The following BANK1 variants were observed in gnomAD, a reference collection of about 807,000 sequenced individuals.
The protein encoded by BANK1 is B cell scaffold protein with ankyrin repeats 1.
BANK1 carries 95 observed loss-of-function variants against 94.5 expected under a neutral mutation model. The observed-to-expected ratio is 1.00, with a 90% CI of 0.85 to 1.19. The LOEUF is 1.19. BANK1 is among the 50% of genes most tolerant of loss of function. The pLI is 0.00. For missense variants in BANK1, 987 were observed against 932.2 expected (o/e 1.06, Z -0.77); for synonymous variants, 334 against 308.4 (o/e 1.08, Z -0.87).
chr4:101,909,877 C>T (rs1225313349), intron 6 of BANK1, among the ~76,000 whole-genome samples: 1 of 152,132 alleles, frequency 6.6e-6, no homozygotes, highest in Non-Finnish European at 1.5e-5. Flanking sequence ...ATAGTCTTTT[C>T]CATTTACTCT....
intron 6 of BANK1, among the ~76,000 whole-genome samples, chr4:101,906,698 C>T (rs1488882731): frequency 6.6e-6 from 1 of 152,202 alleles, no homozygotes; most frequent in African/African-American, 2.4e-5. Context: ...AGACCCCACA[C>T]CTGTACCATT....
Position 101,951,113 on chromosome 4 carries a change from G to C in BANK1, c.1206+32924G>C, listed in dbSNP as rs538372117. Among the ~76,000 whole-genome samples, 419 of 152,228 alleles carry C rather than the reference G, an allele frequency of 2.8e-3. 2 individuals carry two copies. Among genetic ancestry groups the C allele is most frequent in the African/African-American group, 9.8e-3 (407 of 41,562 alleles). ...AGTAAAATATGGATGTTAGTTAACA[G>C]TAATGTATCATTATTGCTTTGCTCA... On this transcript the variant is annotated intron_variant, in intron 7 of 16. Coordinates refer to ENST00000322953, the MANE Select transcript of BANK1 (RefSeq NM_017935.5).
Position 102,029,951 on chromosome 4 carries a change from C to T in BANK1, c.1595-9C>T, listed in dbSNP as rs1727231524. ...AAGAGTAAACACCATGTAAATATTT[C>T]ATAAACAGGGACAATGGTGGAAGGC... On this transcript the variant is annotated splice_polypyrimidine_tract_variant and intron_variant, in intron 9 of 16. Transcript: ENST00000322953. The T allele has an allele frequency of 6.3e-7, 1 of 1,586,594 alleles. No individual in the cohort carries two copies. Among genetic ancestry groups the T allele is most frequent in the South Asian group, 1.2e-5 (1 of 85,008 alleles).
At chr4:101,986,863 A>ATGTGTG (rs1392667047) in intron 7 of BANK1, among the ~76,000 whole-genome samples, 5 of 44,366 alleles carry the variant, frequency 1.1e-4, no homozygotes, top group African/African-American at 4.2e-4. Context: ...ATGTATATAT[A>ATGTGTG]TATGTGTGTA....
At chr4:101,792,205 A>G (rs1725009712) in intron 1 of BANK1, among the ~76,000 whole-genome samples, 1 of 151,976 alleles carries the variant, frequency 6.6e-6, no homozygotes, top group Non-Finnish European at 1.5e-5. Context: ...AGTAATGTGA[A>G]TCAATATTTA....
At chr4:101,986,957 TTA>T (rs1270326491) in intron 7 of BANK1, among the ~76,000 whole-genome samples, 1 of 120,892 alleles carries the variant, frequency 8.3e-6, no homozygotes, top group African/African-American at 3.3e-5. Context: ...AATATATTTT[TTA>T]AGTTAAGTAA....
chr4:102,004,566 CA>C (rs985237527), intron 7 of BANK1, among the ~76,000 whole-genome samples: 8 of 152,122 alleles, frequency 5.3e-5, no homozygotes, highest in African/African-American at 1.9e-4. Flanking sequence ...ATGAAAAACT[CA>C]GTGCCAGATG....
chr4:101,867,176 TAAAAAAA>T (rs754806525), intron 4 of BANK1, among the ~76,000 whole-genome samples: 1 of 33,378 alleles, frequency 3.0e-5, no homozygotes, highest in Non-Finnish European at 5.7e-5. Context: ...AAAAAAAATT[TAAAAAAA>T]AAAAAAAAAA....
At position 102,071,301 on chromosome 4, in the gene BANK1, G is replaced by A; in HGVS notation, c.2239G>A (p.Gly747Ser). The part of the protein sequence containing the change: ...YNKLTIVHHP[G>S]GKETAHNENK... ...TAAACTCACCATTGTGCACCATCCA[G>A]GTGGTAAGTGCTTGGTATTTATTGA... is the stretch of plus-strand genomic sequence containing the variant. Residue 747 changes from glycine to serine, a missense_variant, in exon 14 of 17, where the codon GGT becomes AGT. By Grantham distance (56) the Gly-to-Ser change is moderately conservative. Transcript: ENST00000322953. 1.9e-6 allele frequency: 3 copies of A among 1,613,708 alleles called. No homozygotes were observed. The highest frequency in any genetic ancestry group is 2.5e-6 in the Non-Finnish European group (3 of 1,179,736).
At chr4:101,989,780 GA>G (rs1209831243) in intron 7 of BANK1, among the ~76,000 whole-genome samples, 2 of 152,102 alleles carry the variant, frequency 1.3e-5, no homozygotes, top group Non-Finnish European at 2.9e-5. Context: ...GAATGCCAGA[GA>G]CGTGATGTCA....
chr4:102,025,278 A>G lies in BANK1; in HGVS notation c.1363A>G (p.Met455Val). ...TGCAGATGGAGCTGAGGCAAATGAA[A>G]TGGAAGGGGAAGGAAAACAGAATGG... ...QSADGAEANEMEGEGKQNGSG... is the reference protein window; with the variant it reads ...QSADGAEANEVEGEGKQNGSG... The change falls in exon 9 of 17, where the codon ATG becomes GTG. Residue 455 changes from methionine to valine, a missense_variant. By Grantham distance (21) the Met-to-Val change is conservative. Coordinates refer to ENST00000322953, the MANE Select transcript of BANK1 (RefSeq NM_017935.5). The G allele has an allele frequency of 1.2e-6, 2 of 1,614,164 alleles. No homozygotes were observed. The highest frequency in any genetic ancestry group is 8.5e-7 in the Non-Finnish European group (1 of 1,180,020).
intron 7 of BANK1, among the ~76,000 whole-genome samples, chr4:101,958,089 G>A (rs532994027): frequency 1.3e-5 from 2 of 152,118 alleles, no homozygotes; most frequent in Non-Finnish European, 2.9e-5. Flanking sequence ...CCCGTGATCT[G>A]CCCACCTCGG....
chr4:101,996,685 T>C lies in BANK1; in HGVS notation c.1207-24829T>C, dbSNP rs183611551. On this transcript the variant is annotated intron_variant, in intron 7 of 16. Coordinates refer to ENST00000322953, the MANE Select transcript of BANK1 (RefSeq NM_017935.5). ...GTATTCCTAGGTATTTTATTCTCTTTGTAGCAATCGTGAATGGGAGTTCAC... is the reference window on the plus strand; with the variant it reads ...GTATTCCTAGGTATTTTATTCTCTTCGTAGCAATCGTGAATGGGAGTTCAC... Among the ~76,000 whole-genome samples the C allele has an allele frequency of 4.2e-3, 644 of 152,324 alleles. 9 individuals are homozygous for C. The highest frequency in any genetic ancestry group is 0.015 in the African/African-American group (632 of 41,572).
intron 7 of BANK1, among the ~76,000 whole-genome samples, chr4:102,013,936 C>T (rs1415631087): frequency 6.6e-6 from 1 of 152,024 alleles, no homozygotes; most frequent in South Asian, 2.1e-4. Context: ...GTGCTAAGCA[C>T]TTGATAGGTC....
chr4:101,945,773 C>T (rs533342581), intron 7 of BANK1, among the ~76,000 whole-genome samples: 232 of 151,920 alleles, frequency 1.5e-3, no homozygotes, highest in Middle Eastern at 0.01. Flanking sequence ...GATGAAAATT[C>T]GAAAGCTGAG....
intron 4 of BANK1, among the ~76,000 whole-genome samples, chr4:101,865,807 CA>C (rs1352171370): frequency 2.0e-5 from 3 of 151,362 alleles, no homozygotes; most frequent in Non-Finnish European, 3.0e-5. Context: ...AACAACCAAC[CA>C]AAAAAACCCA....
intron 5 of BANK1, among the ~76,000 whole-genome samples, chr4:101,886,340 G>A (rs1294335345): frequency 6.6e-6 from 1 of 152,130 alleles, no homozygotes; most frequent in Non-Finnish European, 1.5e-5. Flanking sequence ...AAACAGCAAG[G>A]CAAAGAAGGG....
At chr4:101,822,043 G>A (rs1726171682) in intron 1 of BANK1, among the ~76,000 whole-genome samples, 1 of 152,038 alleles carries the variant, frequency 6.6e-6, no homozygotes, top group South Asian at 2.1e-4. Context: ...GATCATTCTT[G>A]ATGTTGAATT....
At chr4:101,937,462 T>C (rs536285723) in intron 7 of BANK1, among the ~76,000 whole-genome samples, 3 of 151,844 alleles carry the variant, frequency 2.0e-5, no homozygotes, top group Admixed American at 2.0e-4. Flanking sequence ...AAGAAAACAT[T>C]TATGTGGCCA....
Sources: allele counts gnomAD v4.1 joint callset (sites outside exome capture counted in the v4.1 genomes callset), GRCh38; gene constraint gnomAD v4.1.1; transcripts MANE v1.5; gene names NCBI Gene and HGNC (gene_info 2026-07-23, HGNC 2026-07-21).